Variants in DISC1 observed in about 807,000 individuals in gnomAD.
DISC1 encodes the protein disrupted in schizophrenia 1 protein.
In DISC1, 57 loss-of-function variants were observed where a neutral mutation model predicts 84.5. The ratio of observed to expected loss-of-function variants is 0.67; its 90% CI spans 0.55 to 0.84. DISC1 has a LOEUF of 0.84. Ranked by LOEUF, DISC1 falls within the 40% of genes least tolerant of loss-of-function variation. The pLI is 0.00. For synonymous variants in DISC1, 411 were observed against 415.2 expected (o/e 0.99, Z 0.12); for missense variants, 1,000 against 1,057.8 (o/e 0.95, Z 0.76).
chr1:231,931,645 A>ATTTTTTTTTTT (rs10652394), intron 9 of DISC1, among the ~76,000 whole-genome samples: 1 of 137,942 alleles, frequency 7.2e-6, no homozygotes. Context: ...ACTGCTTGTG[A>ATTTTTTTTTTT]TTTTTTTTTT....
chr1:231,994,177 C>T (rs190536539), intron 10 of DISC1, among the ~76,000 whole-genome samples: 119 of 152,352 alleles, frequency 7.8e-4, no homozygotes, highest in African/African-American at 2.8e-3. Context: ...TTTCTCTGCA[C>T]GGGCCTGCAC....
intron 3 of DISC1, 24 bp from the exon 4 acceptor site, chr1:231,749,902 T>C (rs879245777): frequency 6.2e-7 from 1 of 1,614,110 alleles, no homozygotes; most frequent in Non-Finnish European, 8.5e-7. Flanking sequence ...TTTTTTCCTC[T>C]CTCTCATCAT....
chr1:231,766,968 A>C (rs1431142956), intron 4 of DISC1, among the ~76,000 whole-genome samples, 172 bp from the exon 5 acceptor site: 2 of 152,218 alleles, frequency 1.3e-5, no homozygotes, highest in Non-Finnish European at 2.9e-5. Flanking sequence ...AAGAGATTGT[A>C]ATTCAGGTAG....
At chr1:231,858,144 CAATT>C (rs2084395831) in intron 9 of DISC1, among the ~76,000 whole-genome samples, 1 of 152,314 alleles carries the variant, frequency 6.6e-6, no homozygotes, top group African/African-American at 2.4e-5. Flanking sequence ...TTTACTAACT[CAATT>C]AATAATTCAG....
chr1:231,680,389 T>A (rs2063570867), intron 1 of DISC1, among the ~76,000 whole-genome samples: 1 of 152,044 alleles, frequency 6.6e-6, no homozygotes, highest in Non-Finnish European at 1.5e-5. Context: ...CCAGGTAAGT[T>A]ACAGGTCATG....
intron 10 of DISC1, among the ~76,000 whole-genome samples, chr1:231,972,011 C>T (rs4658970): frequency 0.15 from 23,139 of 152,154 alleles, 3,533 homozygotes; most frequent in African/African-American, 0.39. Context: ...GGGAAAATAA[C>T]GAACATGCTG....
intron 9 of DISC1, among the ~76,000 whole-genome samples, chr1:231,819,729 C>G (rs1288389625): frequency 6.6e-6 from 1 of 151,886 alleles, no homozygotes; most frequent in Non-Finnish European, 1.5e-5. Context: ...GAGGATTGTA[C>G]ATTTGAAATA....
intron 9 of DISC1, among the ~76,000 whole-genome samples, chr1:231,843,232 G>A (rs1417817444): frequency 6.6e-6 from 1 of 152,200 alleles, no homozygotes; most frequent in African/African-American, 2.4e-5. Context: ...GAAAGAACAA[G>A]CATGAGAGGT....
rs964827739 is a variant in DISC1, at chr1:232,031,583, A to G, written c.2425+5031A>G. Among the ~76,000 whole-genome samples the G allele has an allele frequency of 4.6e-5, 7 of 152,154 alleles. No individual in the cohort carries two copies. Among genetic ancestry groups the G allele is most frequent in the African/African-American group, 1.7e-4 (7 of 41,448 alleles). ...GACAGTATCTAAAGCTTTGTGTGTG[A>G]TGGGCTGGTGCAGATATAGTAGTCA... On this transcript the variant is annotated intron_variant, in intron 12 of 12. Coordinates refer to ENST00000439617, the MANE Select transcript of DISC1 (RefSeq NM_018662.3). The surrounding 1 kb of genome is among the most constrained non-coding windows in gnomAD (Gnocchi z 4.6).
intron 8 of DISC1, among the ~76,000 whole-genome samples, chr1:231,808,473 C>A (rs528565874): frequency 6.6e-6 from 1 of 152,310 alleles, no homozygotes; most frequent in Admixed American, 6.5e-5. Flanking sequence ...GGAAGATGTG[C>A]CTAAGGCTGA....
At position 231,743,350 on chromosome 1, in the gene DISC1, C is replaced by T. The variant is rs150968869; in HGVS notation, c.1118-6576C>T. Among the ~76,000 whole-genome samples the T allele has an allele frequency of 1.2e-3, 179 of 152,244 alleles. 1 individual carries two copies. Among genetic ancestry groups the T allele is most frequent in the Non-Finnish European group, 2.1e-3 (146 of 68,020 alleles). The stretch of plus-strand genomic sequence containing the variant: ...ACCCCATTTTTTACAGAGCAGGAAA[C>T]TGAAGCTTAGAAAGGTTAAGTAACT... On this transcript the variant is annotated intron_variant, in intron 3 of 12. Transcript: ENST00000439617.
At chr1:231,733,599 T>TGTA (rs1371096418) in intron 3 of DISC1, among the ~76,000 whole-genome samples, 3 of 121,380 alleles carry the variant, frequency 2.5e-5, no homozygotes, top group Admixed American at 7.7e-5. Context: ...TGGTGGTAGT[T>TGTA]GTGGTGATGA....
At chr1:231,633,876 C>G (rs1227960810) in intron 1 of DISC1, among the ~76,000 whole-genome samples, 1 of 148,678 alleles carries the variant, frequency 6.7e-6, no homozygotes, top group Non-Finnish European at 1.5e-5. Flanking sequence ...CTTTTTCATA[C>G]CTGTCATCTT....
chr1:231,979,138 C>A (rs935700414), intron 10 of DISC1, among the ~76,000 whole-genome samples: 1 of 151,824 alleles, frequency 6.6e-6, no homozygotes, highest in African/African-American at 2.4e-5. Context: ...TAATGCCTGA[C>A]GATCTGTCAC....
intron 8 of DISC1, among the ~76,000 whole-genome samples, chr1:231,816,824 C>G (rs1199111743): frequency 6.6e-6 from 1 of 152,100 alleles, no homozygotes; most frequent in Non-Finnish European, 1.5e-5. Context: ...GTCTTGAAAC[C>G]AAGACTCACT....
chr1:231,701,394 G>A (rs1470428865), intron 2 of DISC1, among the ~76,000 whole-genome samples: 2 of 152,192 alleles, frequency 1.3e-5, no homozygotes, highest in Non-Finnish European at 1.5e-5. Flanking sequence ...ACTCAGAGAA[G>A]TAACTGGATC....
chr1:231,687,501 C>T (rs1440231741), intron 1 of DISC1, among the ~76,000 whole-genome samples: 1 of 152,176 alleles, frequency 6.6e-6, no homozygotes, highest in Non-Finnish European at 1.5e-5. Flanking sequence ...CCATTGATGT[C>T]CCACTAGGTC....
chr1:231,716,890 C>G (rs886876270), intron 3 of DISC1, among the ~76,000 whole-genome samples: 1 of 152,100 alleles, frequency 6.6e-6, no homozygotes, highest in Non-Finnish European at 1.5e-5. Flanking sequence ...GACTGGACAG[C>G]TAATTTGTTT....
intron 1 of DISC1, among the ~76,000 whole-genome samples, chr1:231,639,339 G>A (rs1197002260): frequency 6.6e-6 from 1 of 152,142 alleles, no homozygotes; most frequent in Non-Finnish European, 1.5e-5. Context: ...GTGGATTTAG[G>A]GGACTGATGA....
Sources: allele counts gnomAD v4.1 joint callset (sites outside exome capture counted in the v4.1 genomes callset), GRCh38; gene constraint gnomAD v4.1.1; non-coding constraint Gnocchi (gnomAD v3.1); transcripts MANE v1.5; gene names NCBI Gene and HGNC (gene_info 2026-07-23, HGNC 2026-07-21).